The following PTPRD variants were observed in gnomAD, a reference collection of about 807,000 sequenced individuals.
PTPRD encodes protein tyrosine phosphatase receptor type D, also known as receptor-type tyrosine-protein phosphatase delta.
Under a neutral mutation model 214.5 loss-of-function variants are expected in PTPRD, and 34 were observed. The ratio of observed to expected loss-of-function variants is 0.16; its 90% confidence interval spans 0.12 to 0.21. The LOEUF (loss-of-function observed/expected upper bound fraction) is 0.21, where lower values mean the gene tolerates loss of function less well. Ranked by LOEUF, PTPRD falls within the 10% of genes least tolerant of loss-of-function variation. The pLI, the probability that PTPRD is intolerant of heterozygous loss-of-function variation, is 1.00. For missense variants in PTPRD, 2,545 were observed against 2,398.7 expected, an observed-to-expected ratio of 1.06 and a Z score of -1.27; for synonymous variants, 1,128 against 845.7, an observed-to-expected ratio of 1.33 and a Z score of -5.79.
chr9:8,743,168 A>G (rs993343653), intron 11 of PTPRD, among the ~76,000 whole-genome samples: 6 of 152,020 alleles, frequency 3.9e-5, no homozygotes, highest in Admixed American at 1.3e-4. Flanking sequence ...AAACCCACCA[A>G]TTTTAGGTGT....
intron 3 of PTPRD, among the ~76,000 whole-genome samples, chr9:10,164,331 T>G (rs191915368): frequency 6.6e-6 from 1 of 151,698 alleles, no homozygotes; most frequent in Non-Finnish European, 1.5e-5. Flanking sequence ...ATCAATTAAT[T>G]AGCTATTTAT....
chr9:10,484,505 A>G (rs1370678269), intron 2 of PTPRD, among the ~76,000 whole-genome samples: 1 of 152,062 alleles, frequency 6.6e-6, no homozygotes, highest in East Asian at 1.9e-4. Context: ...TCTCACGACA[A>G]GTGTACGAGG....
intron 10 of PTPRD, among the ~76,000 whole-genome samples, chr9:9,121,655 C>A (rs954179492): frequency 6.6e-6 from 1 of 151,986 alleles, no homozygotes; most frequent in African/African-American, 2.4e-5. Flanking sequence ...ATACAATGGA[C>A]TTTGGGGACT....
chr9:10,069,233 C>A (rs1001489875), intron 3 of PTPRD, among the ~76,000 whole-genome samples: 3 of 151,904 alleles, frequency 2.0e-5, no homozygotes, highest in African/African-American at 7.3e-5. Context: ...GATGGTAACC[C>A]AGACTACAAG....
At chr9:8,782,056 T>C (rs1034281788) in intron 11 of PTPRD, among the ~76,000 whole-genome samples, 2 of 146,450 alleles carry the variant, frequency 1.4e-5, no homozygotes, top group Non-Finnish European at 3.0e-5. Context: ...CATAATGTTT[T>C]ACGTTTATGG....
intron 4 of PTPRD, among the ~76,000 whole-genome samples, chr9:9,987,365 T>A (rs2095752736): frequency 6.6e-6 from 1 of 152,170 alleles, no homozygotes; most frequent in Non-Finnish European, 1.5e-5. Flanking sequence ...GAAAGAGGTT[T>A]AATGGACTTA....
chr9:10,119,237 T>A (rs2154246246), intron 3 of PTPRD, among the ~76,000 whole-genome samples: 1 of 151,798 alleles, frequency 6.6e-6, no homozygotes, highest in East Asian at 1.9e-4. Flanking sequence ...CCAACAATAA[T>A]CCTATAAGGC....
At chr9:10,604,096 T>A (rs1162640707) in intron 2 of PTPRD, among the ~76,000 whole-genome samples, 1 of 151,652 alleles carries the variant, frequency 6.6e-6, no homozygotes, top group Non-Finnish European at 1.5e-5. Context: ...AACTTGGCAA[T>A]AGAAACAGAA....
intron 26 of PTPRD, 125 bp from the exon 27 acceptor site, chr9:8,493,104 G>C: frequency 1.4e-6 from 1 of 739,148 alleles, no homozygotes; most frequent in Non-Finnish European, 2.3e-6. Context: ...CTAAGCCCTG[G>C]AAATTTCATG....
intron 3 of PTPRD, among the ~76,000 whole-genome samples, chr9:10,273,170 C>G (rs937225102): frequency 6.6e-6 from 1 of 152,128 alleles, no homozygotes; most frequent in Non-Finnish European, 1.5e-5. Flanking sequence ...AAGGGAATAT[C>G]ACTAAGGATT....
At chr9:8,533,834 T>G (rs896830800) in intron 14 of PTPRD, among the ~76,000 whole-genome samples, 4 of 152,128 alleles carry the variant, frequency 2.6e-5, no homozygotes, top group African/African-American at 9.6e-5. Context: ...TTTTCAGCAC[T>G]CACTCATGAG....
At chr9:8,534,737 A>C (rs2076526716) in intron 14 of PTPRD, among the ~76,000 whole-genome samples, 1 of 151,860 alleles carries the variant, frequency 6.6e-6, no homozygotes. Context: ...TATGCAGCAG[A>C]AAGTCAGTGG....
intron 5 of PTPRD, among the ~76,000 whole-genome samples, chr9:9,919,815 T>C (rs757696035): frequency 3.9e-5 from 6 of 152,138 alleles, no homozygotes; most frequent in Admixed American, 1.3e-4. Context: ...GCAGCATTTG[T>C]AAGATATCAA....
chr9:8,534,206 A>G (rs953453520), intron 14 of PTPRD, among the ~76,000 whole-genome samples: 3 of 151,956 alleles, frequency 2.0e-5, no homozygotes, highest in Non-Finnish European at 4.4e-5. Flanking sequence ...TCCCTCATAT[A>G]TTGGTTTTCA....
At chr9:9,398,955 T>C (rs576424719) in intron 8 of PTPRD, among the ~76,000 whole-genome samples, 20 of 152,214 alleles carry the variant, frequency 1.3e-4, no homozygotes, top group Non-Finnish European at 2.6e-4. Context: ...AGACTCTGCC[T>C]ATATGAAGCA....
At chr9:8,987,023 AG>A (rs534183101) in intron 11 of PTPRD, among the ~76,000 whole-genome samples, 83 of 152,248 alleles carry the variant, frequency 5.5e-4, no homozygotes, top group African/African-American at 1.9e-3. Context: ...TGCAACCCAA[AG>A]ATGGTCACTA....
At position 9,276,729 on chromosome 9, in the gene PTPRD, G is replaced by A. The variant is rs548492899; in HGVS notation, c.-202-93366C>T. Among the ~76,000 whole-genome samples, 3 of 151,536 alleles carry A rather than the reference G, an allele frequency of 2.0e-5. No individual in the cohort carries two copies. The South Asian group carries it at 6.2e-4, about 31-fold the overall frequency. On this transcript the variant is annotated intron_variant, in intron 9 of 45. Coordinates refer to ENST00000381196, the MANE Select transcript of PTPRD (RefSeq NM_002839.4). ...TGAGAAAATGGTGCTAAGGCCAAAA[G>A]AGCCTAATTTCTTTAGGGCATGTTC... is the stretch of plus-strand genomic sequence containing the variant.
intron 11 of PTPRD, among the ~76,000 whole-genome samples, chr9:8,960,234 A>C (rs1238752052): frequency 6.6e-6 from 1 of 152,094 alleles, no homozygotes; most frequent in Non-Finnish European, 1.5e-5. Flanking sequence ...TACTTATTGA[A>C]TACTATGTGT....
chr9:8,770,824 C>G (rs1234800266), intron 11 of PTPRD, among the ~76,000 whole-genome samples: 2 of 152,124 alleles, frequency 1.3e-5, no homozygotes, highest in Non-Finnish European at 2.9e-5. Flanking sequence ...AACCTGAAAA[C>G]TTTAAGATGT....
Sources: allele counts gnomAD v4.1 joint callset (sites outside exome capture counted in the v4.1 genomes callset), GRCh38; gene constraint gnomAD v4.1.1; transcripts MANE v1.5; gene names NCBI Gene and HGNC (gene_info 2026-07-23, HGNC 2026-07-21).